DISC1: variants seen among roughly 807,000 people sequenced by gnomAD.
DISC1 encodes DISC1 scaffold protein.
A neutral mutation model predicts 84.5 loss-of-function variants in DISC1; 57 were observed. The ratio of observed to expected loss-of-function variants is 0.67; its 90% CI spans 0.55 to 0.84. DISC1 has a LOEUF of 0.84. DISC1 is among the 40% of genes least tolerant of loss of function. DISC1 has a pLI of 0.00. For synonymous variants in DISC1, 411 were observed against 415.2 expected (o/e 0.99, Z 0.12); for missense variants, 1,000 against 1,057.8 (o/e 0.95, Z 0.76).
At chr1:231,873,681 TA>T (rs1390381789) in intron 9 of DISC1, among the ~76,000 whole-genome samples, 1 of 152,136 alleles carries the variant, frequency 6.6e-6, no homozygotes, top group Non-Finnish European at 1.5e-5. Flanking sequence ...TTCAACCTCA[TA>T]ATTAGATCAT....
rs949637987 is a variant in DISC1 at position 231,686,962 on chromosome 1, A to T, written c.68-6864A>T. 2.6e-4 allele frequency among the ~76,000 whole-genome samples: 39 copies of T among 152,302 alleles called. 1 individual carries two copies. The highest frequency in any genetic ancestry group is 9.1e-4 in the African/African-American group (38 of 41,568). ...ATGCTGCCCATCTCTTTGCTAAAAC[A>T]TAACAAGAGTCACCTTTGCTCCAGT... On this transcript the variant is annotated intron_variant, in intron 1 of 12. Transcript: ENST00000439617.
chr1:231,654,233 G>A (rs921325606), intron 1 of DISC1, among the ~76,000 whole-genome samples: 3 of 151,996 alleles, frequency 2.0e-5, no homozygotes, highest in Non-Finnish European at 4.4e-5. Context: ...ATAGACAAAC[G>A]TCTTTAAAAA....
chr1:231,978,073 GT>G (rs998258035), intron 10 of DISC1, among the ~76,000 whole-genome samples: 15 of 149,180 alleles, frequency 1.0e-4, no homozygotes, highest in East Asian at 3.9e-4. Flanking sequence ...TTCACATGTG[GT>G]TTTTTTTTTC....
intron 9 of DISC1, among the ~76,000 whole-genome samples, chr1:231,887,678 A>G (rs200971656): frequency 7.9e-5 from 12 of 152,230 alleles, no homozygotes; most frequent in Non-Finnish European, 1.8e-4. Context: ...TGTTTAAAAC[A>G]TGGGATTATT....
chr1:231,687,254 G>C (rs2064400073), intron 1 of DISC1, among the ~76,000 whole-genome samples: 1 of 152,132 alleles, frequency 6.6e-6, no homozygotes, highest in South Asian at 2.1e-4. Context: ...CCATTTTTAT[G>C]CTGCTGATAA....
Position 231,698,215 on chromosome 1 carries a change from C to T in DISC1, c.1047+3410C>T, listed in dbSNP as rs2065954461. On this transcript the variant is annotated intron_variant, in intron 2 of 12. Coordinates refer to ENST00000439617, the MANE Select transcript of DISC1 (RefSeq NM_018662.3). This position sits in a 1 kb window ranked among gnomAD's most constrained non-coding sequence, Gnocchi z 4.9. Reference sequence around the variant, plus strand: ...TCACAGGAACCTACCCTGTATTTCTCTTAGGAGCAATGCTTCATTATTCCC... The same window carrying T: ...TCACAGGAACCTACCCTGTATTTCTTTTAGGAGCAATGCTTCATTATTCCC... Among the ~76,000 whole-genome samples the T allele has an allele frequency of 6.6e-6, 1 of 152,192 alleles. No individual in the cohort carries two copies. Among genetic ancestry groups the T allele is most frequent in the Admixed American group, 6.5e-5 (1 of 15,280 alleles).
Position 231,626,950 on chromosome 1 carries a change from C to T in DISC1, c.67+16C>T. 6.7e-7 allele frequency: 1 copy of T among 1,501,656 alleles called. No homozygotes were observed. The highest frequency in any genetic ancestry group is 8.8e-7 in the Non-Finnish European group (1 of 1,131,764). The allele number at this position is 1,501,656 out of a possible 1,614,324, so 93.0% of individuals were successfully genotyped here. A position where few individuals can be genotyped will look rare whatever the true frequency, so the allele number is the denominator to read the frequency against. The stretch of plus-strand genomic sequence containing the variant: ...CACCGCGCAGGTAGGGGAGCTGCCA[C>T]AGAGTCCTAGCACGTCCTGGGGGGG... On this transcript the variant is annotated intron_variant, in intron 1 of 12. Transcript: ENST00000439617.
At chr1:231,873,467 A>G (rs1375186931) in intron 9 of DISC1, among the ~76,000 whole-genome samples, 1 of 152,206 alleles carries the variant, frequency 6.6e-6, no homozygotes, top group East Asian at 1.9e-4. Context: ...ATTCCATAGC[A>G]TTGGGTCTTC....
At position 231,897,200 on chromosome 1, in the gene DISC1, C is replaced by T. The variant is rs2087762693; in HGVS notation, c.1982-61628C>T. On this transcript the variant is annotated intron_variant, in intron 9 of 12. Coordinates refer to ENST00000439617, the MANE Select transcript of DISC1 (RefSeq NM_018662.3). The surrounding 1 kb of genome is among the most constrained non-coding windows in gnomAD (Gnocchi z 4.5). ...AACAGACAGAGGCTGTAGGGCTGAG[C>T]ACTTGAAACAGAGGGAGGACATATT... Among the ~76,000 whole-genome samples the T allele has an allele frequency of 6.6e-6, 1 of 152,172 alleles. No individual in the cohort carries two copies. Among genetic ancestry groups the T allele is most frequent in the Non-Finnish European group, 1.5e-5 (1 of 68,038 alleles).
chr1:231,670,928 A>T (rs1037652095), intron 1 of DISC1, among the ~76,000 whole-genome samples: 1 of 152,172 alleles, frequency 6.6e-6, no homozygotes, highest in African/African-American at 2.4e-5. Flanking sequence ...TATTGTCTTT[A>T]TAATGTCTGC....
intron 4 of DISC1, chr1:231,750,371 G>T: frequency 8.5e-7 from 1 of 1,177,084 alleles, no homozygotes; most frequent in Non-Finnish European, 1.1e-6. Context: ...CTAAGAAGGT[G>T]GGGGTAATTT....
At chr1:232,035,440 T>C (rs1306553066) in intron 12 of DISC1, among the ~76,000 whole-genome samples, 1 of 152,188 alleles carries the variant, frequency 6.6e-6, no homozygotes, top group Non-Finnish European at 1.5e-5. Flanking sequence ...TGCAAAACTC[T>C]GTCTCAAAAA....
At chr1:231,656,206 T>C (rs557400079) in intron 1 of DISC1, among the ~76,000 whole-genome samples, 12 of 152,346 alleles carry the variant, frequency 7.9e-5, no homozygotes, top group African/African-American at 2.2e-4. Flanking sequence ...TCTAGAATTT[T>C]TATGGTTTCA....
chr1:231,661,033 T>C (rs1176397276), intron 1 of DISC1, among the ~76,000 whole-genome samples: 1 of 152,190 alleles, frequency 6.6e-6, no homozygotes, highest in Non-Finnish European at 1.5e-5. Context: ...AAATCTTGGG[T>C]TGGAAATTCT....
chr1:231,837,405 G>A (rs2082703601), intron 9 of DISC1, among the ~76,000 whole-genome samples: 1 of 152,112 alleles, frequency 6.6e-6, no homozygotes, highest in Admixed American at 6.5e-5. Flanking sequence ...CACGGAACAA[G>A]CCTATTGTTT....
rs34622148 is a variant in DISC1, at chr1:231,694,746, C to T, written c.988C>T (p.Leu330Phe). The change falls in exon 2 of 13, where the codon CTC (leucine) becomes TTC (phenylalanine). Residue 330 changes from leucine to phenylalanine, a missense_variant. Transcript: ENST00000439617. Reference sequence around the variant, plus strand: ...GGATGCCCACTCTTGGGACACCCTGCTCAGGAAATGGGAGCCAGTGCTGCG... The same window carrying T: ...GGATGCCCACTCTTGGGACACCCTGTTCAGGAAATGGGAGCCAGTGCTGCG... ...SGDAHSWDTL[L>F]RKWEPVLRDC... is the part of the protein sequence containing the mutation. 1.5e-3 allele frequency: 2,429 copies of T among 1,614,096 alleles called. 47 individuals carry two copies. The African/African-American group carries it at 0.029, about 19-fold the overall frequency.
chr1:231,935,458 AT>A (rs1223099430), intron 9 of DISC1, among the ~76,000 whole-genome samples: 2 of 152,172 alleles, frequency 1.3e-5, no homozygotes, highest in African/African-American at 4.8e-5. Flanking sequence ...AAATGTACAT[AT>A]TGTCCTCTAC....
chr1:231,877,150 T>C (rs2085942423), intron 9 of DISC1, among the ~76,000 whole-genome samples: 1 of 152,232 alleles, frequency 6.6e-6, no homozygotes, highest in East Asian at 1.9e-4. Context: ...TAAGGACCCA[T>C]TTCTTATCAA....
rs189036011 is a variant in DISC1, at chr1:231,920,746, T to G, written c.1982-38082T>G. On this transcript the variant is annotated intron_variant, in intron 9 of 12. Coordinates refer to ENST00000439617, the MANE Select transcript of DISC1 (RefSeq NM_018662.3). ...ATGACCACTGGTGCATAGGAATAAT[T>G]TTTTAGTGTAAATATGTCCCATGTA... Among the ~76,000 whole-genome samples the G allele has an allele frequency of 1.0e-3, 158 of 152,290 alleles. 1 individual carries two copies. The highest frequency in any genetic ancestry group is 3.8e-3 in the African/African-American group (157 of 41,550).
Sources: allele counts gnomAD v4.1 joint callset (sites outside exome capture counted in the v4.1 genomes callset), GRCh38; gene constraint gnomAD v4.1.1; non-coding constraint Gnocchi (gnomAD v3.1); transcripts MANE v1.5; gene names NCBI Gene and HGNC (gene_info 2026-07-23, HGNC 2026-07-21).